Variants in KAT6A observed in about 807,000 individuals in gnomAD.
KAT6A encodes the protein histone acetyltransferase KAT6A.
Under a neutral mutation model 198.4 loss-of-function variants are expected in KAT6A, and 9 were observed. The observed-to-expected ratio is 0.05, with a 90% CI of 0.03 to 0.08. The LOEUF (loss-of-function observed/expected upper bound fraction) is 0.08. Among genes scored for constraint, KAT6A ranks in the 10% least tolerant of loss-of-function variants. The pLI is 1.00. For synonymous variants in KAT6A, 890 were observed against 883.0 expected (o/e 1.01, Z -0.14); for missense variants, 2,077 against 2,509.9 (o/e 0.83, Z 3.69).
chr8:42,026,229 G>A (rs1279830175), intron 2 of KAT6A, among the ~76,000 whole-genome samples: 1 of 152,092 alleles, frequency 6.6e-6, no homozygotes, highest in East Asian at 1.9e-4. Flanking sequence ...TGTTCTTTTT[G>A]ATCAGGATTG....
intron 2 of KAT6A, chr8:42,043,685 G>A (rs1309759201): frequency 6.6e-6 from 1 of 152,138 alleles, no homozygotes; most frequent in Admixed American, 6.5e-5. Context: ...TAACACCAAG[G>A]ACATTCACGA....
chr8:41,944,857 C>A (rs1822299421), intron 12 of KAT6A, among the ~76,000 whole-genome samples: 1 of 152,142 alleles, frequency 6.6e-6, no homozygotes. Flanking sequence ...TGAGTTCCAT[C>A]CCCTACTGCT....
chr8:42,000,809 C>T (rs554837498), intron 2 of KAT6A, among the ~76,000 whole-genome samples: 1 of 152,140 alleles, frequency 6.6e-6, no homozygotes, highest in South Asian at 2.1e-4. Flanking sequence ...AAGGGATCTG[C>T]AAAAATCATT....
At chr8:41,953,224 ACAAAAGTAAATGCTAGCCCTCTATTTC>A (rs66842552) in intron 9 of KAT6A, among the ~76,000 whole-genome samples, 1,669 of 152,302 alleles carry the variant, frequency 0.011, 17 homozygotes, top group South Asian at 0.02. Flanking sequence ...ATTCTCTTGA[ACAAAAGTAAATGCTAGCCCTCTATTTC>A]CATTCCTGAA....
At chr8:42,040,735 C>CAAAAAAAAA (rs59959496) in intron 2 of KAT6A, among the ~76,000 whole-genome samples, 40 of 54,568 alleles carry the variant, frequency 7.3e-4, no homozygotes, top group Middle Eastern at 0.017. Context: ...GACTCTGTCT[C>CAAAAAAAAA]AAAAAAAAAA....
intron 2 of KAT6A, among the ~76,000 whole-genome samples, chr8:42,021,007 T>C (rs1263527768): frequency 6.6e-6 from 1 of 152,136 alleles, no homozygotes; most frequent in Non-Finnish European, 1.5e-5. Context: ...GTTGTTGTTG[T>C]TGTTTTTTAT....
At chr8:41,972,737 G>A (rs780135554) in intron 8 of KAT6A, among the ~76,000 whole-genome samples, 8 of 152,152 alleles carry the variant, frequency 5.3e-5, no homozygotes, top group East Asian at 1.9e-4. Flanking sequence ...TTCCTGATTT[G>A]ATGATTGGAC....
chr8:42,009,910 AAAAACAAAAAAAAAC>A (rs1436469147), intron 2 of KAT6A, among the ~76,000 whole-genome samples: 2 of 138,902 alleles, frequency 1.4e-5, no homozygotes, highest in African/African-American at 5.5e-5. Context: ...AAAAAAAAAA[AAAAACAAAAAAAAAC>A]AAAACCACAA....
At position 42,002,584 on chromosome 8, in the gene KAT6A, GAAACA is replaced by G. The variant is rs1052457922; in HGVS notation, c.601-15026_601-15022del. Among the ~76,000 whole-genome samples, 25 of 151,956 alleles carry G rather than the reference GAAACA, an allele frequency of 1.6e-4. No homozygotes were observed. The East Asian group carries it at 1.9e-3, about 12-fold the overall frequency. ...CAAAAACAAACAACAAAAACAGAAC[GAAACA>G]AAACAAAACAAAAAACCCACACATA... On this transcript the variant is annotated intron_variant, in intron 2 of 16. Transcript: ENST00000265713.
chr8:42,016,220 C>T (rs1442417226), intron 2 of KAT6A, among the ~76,000 whole-genome samples: 1 of 152,128 alleles, frequency 6.6e-6, no homozygotes, highest in Admixed American at 6.5e-5. Flanking sequence ...GAATATGTAC[C>T]ATTTGCTATG....
At chr8:42,032,493 A>G (rs1479285469) in intron 2 of KAT6A, among the ~76,000 whole-genome samples, 2 of 152,204 alleles carry the variant, frequency 1.3e-5, no homozygotes, top group Non-Finnish European at 1.5e-5. Context: ...TAAAGTTATG[A>G]GAAACAAAAC....
At chr8:41,978,321 C>T (rs969867956) in intron 6 of KAT6A, among the ~76,000 whole-genome samples, 7 of 152,198 alleles carry the variant, frequency 4.6e-5, no homozygotes, top group African/African-American at 1.7e-4. Flanking sequence ...GGTTAAGAGT[C>T]AGACTTTGGT....
At chr8:41,998,911 T>C (rs544966787) in intron 2 of KAT6A, among the ~76,000 whole-genome samples, 122 of 152,242 alleles carry the variant, frequency 8.0e-4, no homozygotes, top group South Asian at 4.6e-3. Flanking sequence ...AGTATATAAC[T>C]TTCTATAATT....
At chr8:42,016,571 TA>T (rs564637196) in intron 2 of KAT6A, among the ~76,000 whole-genome samples, 26 of 152,280 alleles carry the variant, frequency 1.7e-4, no homozygotes, top group South Asian at 4.1e-4. Flanking sequence ...TTAACAGTTG[TA>T]AATACAAAAG....
At chr8:42,037,582 C>T (rs764869713) in intron 2 of KAT6A, among the ~76,000 whole-genome samples, 37 of 152,104 alleles carry the variant, frequency 2.4e-4, no homozygotes, top group African/African-American at 7.2e-4. Context: ...TGGAGGAAAA[C>T]GCAGCCCATA....
intron 2 of KAT6A, among the ~76,000 whole-genome samples, chr8:42,016,163 T>C (rs1183714894): frequency 1.3e-5 from 2 of 152,154 alleles, no homozygotes; most frequent in Admixed American, 1.3e-4. Flanking sequence ...TAAACAGGTG[T>C]AGAGGTGGGA....
intron 2 of KAT6A, among the ~76,000 whole-genome samples, chr8:42,020,201 T>A (rs1484266127): frequency 6.6e-6 from 1 of 152,178 alleles, no homozygotes; most frequent in Non-Finnish European, 1.5e-5. Context: ...GAACACACAA[T>A]CATTTACATG....
chr8:41,997,557 T>C (rs1431805226), intron 2 of KAT6A, among the ~76,000 whole-genome samples: 1 of 152,158 alleles, frequency 6.6e-6, no homozygotes, highest in African/African-American at 2.4e-5. Context: ...TTAAGAAAAA[T>C]TTTTAAGAAT....
At position 41,931,546 on chromosome 8, in the gene KAT6A, T is replaced by C. The variant is rs187779918; in HGVS notation, c.*659A>G. On this transcript the variant is annotated 3_prime_UTR_variant, in exon 17 of 17. Coordinates refer to ENST00000265713, the MANE Select transcript of KAT6A (RefSeq NM_006766.5). ...GAAGTCCGTCTATAAAGAAACATTC[T>C]TGGGGAAGGGTTTCAAGAGGTGTGT... is the stretch of plus-strand genomic sequence containing the variant. 7 of 206,242 alleles carry C rather than the reference T, an allele frequency of 3.4e-5. No homozygotes were observed. Among genetic ancestry groups the C allele is most frequent in the Admixed American group, 5.9e-5 (1 of 16,824 alleles). 12.8% of individuals were successfully genotyped at this position (206,242 alleles called of 1,614,324 possible). A position where few individuals can be genotyped will look rare whatever the true frequency, so the allele number is the denominator to read the frequency against.
Sources: gnomAD v4.1 joint callset for allele counts (sites outside exome capture counted in the v4.1 genomes callset) on GRCh38, gnomAD v4.1.1 for gene constraint, MANE v1.5 for transcripts, NCBI Gene and HGNC (gene_info 2026-07-23, HGNC 2026-07-21) for gene names.